The following SAMD5 variants were observed in gnomAD, a reference collection of about 807,000 sequenced individuals.
The protein encoded by SAMD5 is sterile alpha motif domain-containing protein 5.
A neutral mutation model predicts 11.3 loss-of-function variants in SAMD5; 13 were observed. That is an observed-to-expected ratio of 1.15 (90% CI 0.75 to 1.83). The LOEUF (loss-of-function observed/expected upper bound fraction) is 1.83, where lower values mean the gene tolerates loss of function less well. Ranked by LOEUF, SAMD5 falls within the 40% of genes most tolerant of loss-of-function variation. The probability of loss-of-function intolerance (pLI) is 0.00; values close to 1 mark genes in which losing one functional copy is unlikely to be tolerated. For synonymous variants in SAMD5, 129 were observed against 111.3 expected, an observed-to-expected ratio of 1.16 and a Z score of -1.00; for missense variants, 255 against 239.1, an observed-to-expected ratio of 1.07 and a Z score of -0.44.
At chr6:147,841,652 C>G in the SAMD5 span, among the ~76,000 whole-genome samples, 33 of 152,264 alleles carry the variant, frequency 2.2e-4, no homozygotes, top group Non-Finnish European at 3.4e-4. Context: ...AACCCTCTGA[C>G]CAGTAATCAC....
At chr6:147,933,859 C>T in the SAMD5 span, among the ~76,000 whole-genome samples, 1 of 152,108 alleles carries the variant, frequency 6.6e-6, no homozygotes, top group African/African-American at 2.4e-5. Context: ...CAAAAGGTAC[C>T]AGATTATGTG....
At chr6:147,622,855 C>T (rs55802502) in intron 1 of SAMD5, among the ~76,000 whole-genome samples, 48,796 of 151,832 alleles carry the variant, frequency 0.32, 9,011 homozygotes, top group South Asian at 0.41. Flanking sequence ...ACAATCATGG[C>T]GGAAGGTGAA....
chr6:147,517,581 C>A (rs1788191361), intron 1 of SAMD5, among the ~76,000 whole-genome samples: 1 of 152,106 alleles, frequency 6.6e-6, no homozygotes, highest in Admixed American at 6.5e-5. Flanking sequence ...TTAAAAATAA[C>A]ATTTCAAAAT....
At chr6:147,681,226 A>T (rs996357376) in intron 1 of SAMD5, among the ~76,000 whole-genome samples, 4 of 152,102 alleles carry the variant, frequency 2.6e-5, no homozygotes, top group Admixed American at 6.6e-5. Flanking sequence ...TTCCATTTTT[A>T]AAAAAATCAA....
intron 1 of SAMD5, among the ~76,000 whole-genome samples, chr6:147,719,279 ACTT>A (rs1487839511): frequency 1.3e-5 from 2 of 152,116 alleles, no homozygotes; most frequent in Non-Finnish European, 2.9e-5. Flanking sequence ...TTTTATGAGT[ACTT>A]CTTTTTTTTC....
In SAMD5 at chr6:147,510,060, T is replaced by A. The variant is rs534644502; in HGVS notation, c.459+673T>A. On this transcript the variant is annotated intron_variant, in intron 1 of 1. Transcript: ENST00000367474. Reference sequence around the variant, plus strand: ...AGATAATCGGGCCACAGGATGTGCTTCAGAGGTCTGGGCTGTCACGAGTTT... The same window carrying A: ...AGATAATCGGGCCACAGGATGTGCTACAGAGGTCTGGGCTGTCACGAGTTT... Among the ~76,000 whole-genome samples the A allele has an allele frequency of 1.7e-3, 260 of 152,312 alleles. 1 individual carries two copies. The highest frequency in any genetic ancestry group is 5.8e-3 in the African/African-American group (243 of 41,562).
the SAMD5 span, among the ~76,000 whole-genome samples, chr6:147,920,770 G>A: frequency 6.6e-6 from 1 of 152,156 alleles, no homozygotes. Flanking sequence ...TACTGTTCAG[G>A]CAATGGTGTT....
the SAMD5 span, among the ~76,000 whole-genome samples, chr6:147,773,328 A>G: frequency 6.6e-6 from 1 of 152,226 alleles, no homozygotes; most frequent in Non-Finnish European, 1.5e-5. Flanking sequence ...CCCATCAGAT[A>G]CAGATGCTGC....
intron 1 of SAMD5, among the ~76,000 whole-genome samples, chr6:147,607,598 A>G (rs756437897): frequency 4.6e-5 from 7 of 152,212 alleles, no homozygotes; most frequent in Non-Finnish European, 1.0e-4. Flanking sequence ...ATGCAGAAGA[A>G]TGAAACTAGA....
chr6:147,543,569 G>T (rs1788639567), intron 1 of SAMD5, among the ~76,000 whole-genome samples: 2 of 152,098 alleles, frequency 1.3e-5, no homozygotes, highest in African/African-American at 4.8e-5. Flanking sequence ...CTTGAGAAAG[G>T]ATACCTTGTT....
chr6:147,897,375 G>T, the SAMD5 span, among the ~76,000 whole-genome samples: 4 of 152,142 alleles, frequency 2.6e-5, no homozygotes, highest in East Asian at 7.7e-4. Flanking sequence ...GACTATTCTG[G>T]ACTGCCCAAA....
chr6:147,829,341 G>C, the SAMD5 span, among the ~76,000 whole-genome samples: 3 of 152,300 alleles, frequency 2.0e-5, no homozygotes, highest in Non-Finnish European at 4.4e-5. Flanking sequence ...CCCCTGGATA[G>C]AGGGTTGTTC....
the SAMD5 span, among the ~76,000 whole-genome samples, chr6:147,810,144 A>G: frequency 1.3e-5 from 2 of 152,328 alleles, no homozygotes; most frequent in South Asian, 2.1e-4. Flanking sequence ...TACGATGAAG[A>G]TAAGTTTAAT....
In SAMD5 at chr6:147,568,472, A is replaced by G; in HGVS notation, c.*4016A>G. 1.0e-6 allele frequency: 1 copy of G among 985,428 alleles called. No individual in the cohort carries two copies. Among genetic ancestry groups the G allele is most frequent in the Non-Finnish European group, 1.2e-6 (1 of 829,896 alleles). The allele number at this position is 985,428 out of a possible 1,614,324, so 61.0% of individuals were successfully genotyped here. A position where few individuals can be genotyped will look rare whatever the true frequency, so the allele number is the denominator to read the frequency against. On this transcript the variant is annotated 3_prime_UTR_variant, in exon 2 of 2. Transcript: ENST00000367474. ...TAGGCAGGTGGAAGTTCTGAATTTC[A>G]AGGCAAATAAGGCATGAAGGGTGGA...
At chr6:147,647,175 G>C (rs1362392451) in intron 1 of SAMD5, among the ~76,000 whole-genome samples, 2 of 151,720 alleles carry the variant, frequency 1.3e-5, no homozygotes, top group Non-Finnish European at 2.9e-5. Flanking sequence ...CTCAGAAAAA[G>C]AAAATCATAA....
At chr6:147,702,511 C>T (rs1791268350) in intron 1 of SAMD5, among the ~76,000 whole-genome samples, 1 of 152,142 alleles carries the variant, frequency 6.6e-6, no homozygotes, top group African/African-American at 2.4e-5. Context: ...AGATTTTCTA[C>T]AGAGTTAGGG....
At chr6:147,544,823 A>G (rs1410692130) in intron 1 of SAMD5, among the ~76,000 whole-genome samples, 1 of 152,224 alleles carries the variant, frequency 6.6e-6, no homozygotes, top group East Asian at 1.9e-4. Context: ...TGGACCACCA[A>G]ATTTGGCAGT....
At chr6:147,515,377 C>T (rs1788152213) in intron 1 of SAMD5, among the ~76,000 whole-genome samples, 1 of 151,796 alleles carries the variant, frequency 6.6e-6, no homozygotes, top group African/African-American at 2.4e-5. Flanking sequence ...ATCCATCCAT[C>T]GATTTATTAA....
intron 1 of SAMD5, among the ~76,000 whole-genome samples, chr6:147,563,042 A>G (rs917158437): frequency 3.9e-5 from 6 of 152,150 alleles, no homozygotes; most frequent in African/African-American, 1.4e-4. Context: ...TTTGGCGACT[A>G]TTTGAATATA....
Sources: allele counts gnomAD v4.1 joint callset (sites outside exome capture counted in the v4.1 genomes callset), GRCh38; gene constraint gnomAD v4.1.1; transcripts MANE v1.5; gene names NCBI Gene and HGNC (gene_info 2026-07-23, HGNC 2026-07-21).